DYNLL1: variants seen among roughly 807,000 people sequenced by gnomAD.
DYNLL1 encodes dynein light chain 1, cytoplasmic.
A neutral mutation model predicts 10.1 loss-of-function variants in DYNLL1; 3 were observed. That is an observed-to-expected ratio of 0.30 (90% CI 0.14 to 0.77). The LOEUF is 0.77. Ranked by LOEUF, DYNLL1 falls within the 30% of genes least tolerant of loss-of-function variation. The probability of loss-of-function intolerance (pLI) is 0.66; values close to 1 mark genes in which losing one functional copy is unlikely to be tolerated. For synonymous variants in DYNLL1, 46 were observed against 41.2 expected, an observed-to-expected ratio of 1.12 and a Z score of -0.45; for missense variants, 47 against 111.7, an observed-to-expected ratio of 0.42 and a Z score of 2.61.
chr12:120,486,290 T>C (rs754808175), intron 1 of DYNLL1, among the ~76,000 whole-genome samples: 1 of 152,142 alleles, frequency 6.6e-6, no homozygotes, highest in South Asian at 2.1e-4. Flanking sequence ...TTGGAGTTTC[T>C]TGGGGGAAGT....
At chr12:120,493,964 A>G (rs993531540), upstream of DYNLL1, 3 of 151,988 alleles carry the variant, frequency 2.0e-5, no homozygotes, top group Non-Finnish European at 2.9e-5. Flanking sequence ...TATTATGATG[A>G]TAGTATTATT....
chr12:120,479,461 AAAAAAAAAATAATAATAAT>A (rs1878833021), intron 1 of DYNLL1, among the ~76,000 whole-genome samples: 1 of 130,236 alleles, frequency 7.7e-6, no homozygotes, highest in Non-Finnish European at 1.6e-5. Context: ...AAAAAAAAAA[AAAAAAAAAATAATAATAAT>A]AATAATAATA....
intron 1 of DYNLL1, among the ~76,000 whole-genome samples, chr12:120,480,381 A>G (rs528021772): frequency 6.6e-6 from 1 of 152,318 alleles, no homozygotes; most frequent in South Asian, 2.1e-4. Context: ...GGGACACAGC[A>G]GAGGGGACAA....
chr12:120,496,782 GA>G, intron 2 of DYNLL1: 1 of 637,384 alleles, frequency 1.6e-6, no homozygotes, highest in East Asian at 2.8e-5. Context: ...TCCGCGGGGG[GA>G]AAGCGCCACC....
exon 1 of DYNLL1, chr12:120,470,010 A>G (rs112267796): frequency 0.038 from 5,915 of 156,464 alleles, 192 homozygotes; most frequent in Middle Eastern, 0.073. Flanking sequence ...TGACGTGGGT[A>G]GCGCCCAGGG....
At chr12:120,472,271 AT>A (rs1878667661) in intron 1 of DYNLL1, among the ~76,000 whole-genome samples, 1 of 152,150 alleles carries the variant, frequency 6.6e-6, no homozygotes, top group South Asian at 2.1e-4. Flanking sequence ...GCTTTTCTGT[AT>A]TTCTCAAATT....
upstream of DYNLL1, among the ~76,000 whole-genome samples, chr12:120,494,559 A>T (rs1286102595): frequency 6.6e-6 from 1 of 152,098 alleles, no homozygotes; most frequent in Non-Finnish European, 1.5e-5. Context: ...TATAGGCATG[A>T]GCCACCGCAC....
intron 1 of DYNLL1, among the ~76,000 whole-genome samples, chr12:120,476,005 C>A (rs1878744062): frequency 6.6e-6 from 1 of 152,172 alleles, no homozygotes; most frequent in Admixed American, 6.5e-5. Flanking sequence ...TTACCCTCAA[C>A]CCAGAACTTT....
At chr12:120,481,932 T>A (rs1209881161) in intron 1 of DYNLL1, among the ~76,000 whole-genome samples, 4 of 152,230 alleles carry the variant, frequency 2.6e-5, no homozygotes, top group African/African-American at 4.8e-5. Context: ...CACGGCAGCC[T>A]CGACCTCCTG....
rs548479479 is a variant in DYNLL1 at position 120,496,766 on chromosome 12, C to T, written c.132+213C>T. The T allele has an allele frequency of 2.1e-4, 140 of 667,978 alleles. No homozygotes were observed. The African/African-American group carries it at 2.2e-3, about 11-fold the overall frequency. 41.4% of individuals were successfully genotyped at this position (667,978 alleles called of 1,614,324 possible). A position where few individuals can be genotyped will look rare whatever the true frequency, so the allele number is the denominator to read the frequency against. On this transcript the variant is annotated intron_variant, in intron 2 of 2. Coordinates refer to ENST00000242577, the MANE Select transcript of DYNLL1 (RefSeq NM_003746.3). ...GTTTTTTTTTTTTTTTTTTTAATTA[C>T]CCAGCTCCGCGGGGGGAAAGCGCCA... is the stretch of plus-strand genomic sequence containing the variant.
chr12:120,485,241 T>A (rs547215742), intron 1 of DYNLL1, among the ~76,000 whole-genome samples: 4 of 146,242 alleles, frequency 2.7e-5, no homozygotes, highest in Non-Finnish European at 5.9e-5. Flanking sequence ...AATAGTTATG[T>A]TGTAGAAGGC....
intron 1 of DYNLL1, among the ~76,000 whole-genome samples, chr12:120,486,092 CAT>C (rs1228329921): frequency 2.0e-5 from 3 of 152,268 alleles, no homozygotes; most frequent in South Asian, 2.1e-4. Flanking sequence ...AAATATTTCA[CAT>C]GTGTAATGGC....
chr12:120,487,107 T>C (rs1879012619), intron 1 of DYNLL1, among the ~76,000 whole-genome samples: 1 of 151,208 alleles, frequency 6.6e-6, no homozygotes, highest in South Asian at 2.1e-4. Flanking sequence ...CCCTAGTAGC[T>C]GGGACTACAG....
chr12:120,495,241 C>T (rs752912704), upstream of DYNLL1: 9 of 152,068 alleles, frequency 5.9e-5, no homozygotes, highest in Non-Finnish European at 1.2e-4. Context: ...TAGAATACCT[C>T]CTCCTCAGAG....
In DYNLL1 at chr12:120,498,172, C is replaced by T; in HGVS notation, c.232C>T (p.Leu78=). ...HETKHFIYFY[L]GQVAILLFKS... ...AACCAAACACTTCATCTACTTCTACCTGGGCCAAGTGGCCATTCTTCTGTT... is the reference window on the plus strand; with the variant it reads ...AACCAAACACTTCATCTACTTCTACTTGGGCCAAGTGGCCATTCTTCTGTT... Residue 78 remains leucine (L), a synonymous_variant, in exon 3 of 3, where the codon CTG becomes TTG. Transcript: ENST00000242577. 1.2e-6 allele frequency: 2 copies of T among 1,613,952 alleles called. No homozygotes were observed. The highest frequency in any genetic ancestry group is 1.7e-6 in the Non-Finnish European group (2 of 1,179,994).
At chr12:120,474,907 A>C (rs904834061) in intron 1 of DYNLL1, among the ~76,000 whole-genome samples, 4 of 152,160 alleles carry the variant, frequency 2.6e-5, no homozygotes, top group Non-Finnish European at 5.9e-5. Context: ...CTACCACTGT[A>C]CTTGTGTGAT....
chr12:120,491,812 C>T (rs1020803716), upstream of DYNLL1: 2 of 152,252 alleles, frequency 1.3e-5, no homozygotes, highest in Admixed American at 6.5e-5. Context: ...AATGTAGGGT[C>T]AAGTTTCAGG....
At chr12:120,496,078 A>C (rs951160229), upstream of DYNLL1, 2 of 404,976 alleles carry the variant, frequency 4.9e-6, no homozygotes, top group African/African-American at 4.1e-5. Context: ...GCGGGGCCTG[A>C]GCACTAGGCG....
At chr12:120,480,603 C>T (rs768201664) in intron 1 of DYNLL1, among the ~76,000 whole-genome samples, 18 of 152,164 alleles carry the variant, frequency 1.2e-4, no homozygotes, top group Admixed American at 2.0e-4. Context: ...CCTCTGCCTC[C>T]CGAGTCTTTG....
Sources: allele counts gnomAD v4.1 joint callset (sites outside exome capture counted in the v4.1 genomes callset), GRCh38; gene constraint gnomAD v4.1.1; transcripts MANE v1.5; gene names NCBI Gene and HGNC (gene_info 2026-07-23, HGNC 2026-07-21).